Variants in SCOC observed in about 807,000 individuals in gnomAD.
The protein encoded by SCOC is short coiled-coil protein.
Under a neutral mutation model 9.9 loss-of-function variants are expected in SCOC, and 7 were observed. That is an observed-to-expected ratio of 0.71 (90% CI 0.40 to 1.33). The LOEUF (loss-of-function observed/expected upper bound fraction) is 1.33, where lower values mean the gene tolerates loss of function less well. Ranked by LOEUF, SCOC falls within the 40% of genes most tolerant of loss-of-function variation. The pLI, the probability that SCOC is intolerant of heterozygous loss-of-function variation, is 0.01. For missense variants in SCOC, 66 were observed against 89.7 expected (o/e 0.74, Z 1.07); for synonymous variants, 19 against 28.2 (o/e 0.67, Z 1.03).
intron 1 of SCOC, among the ~76,000 whole-genome samples, chr4:140,310,290 T>C (rs1732113339): frequency 6.6e-6 from 1 of 152,208 alleles, no homozygotes; most frequent in Admixed American, 6.5e-5. Flanking sequence ...AAGATGATGC[T>C]TCCTTATTTC....
chr4:140,332,599 G>A (rs2321145), intron 1 of SCOC, among the ~76,000 whole-genome samples: 3,897 of 151,960 alleles, frequency 0.026, 60 homozygotes, highest in Non-Finnish European at 0.04. Context: ...GGATGGTTTC[G>A]ATCTCCTGAC....
intron 1 of SCOC, among the ~76,000 whole-genome samples, chr4:140,306,766 G>A (rs985749058): frequency 1.7e-5 from 2 of 121,024 alleles, no homozygotes; most frequent in Non-Finnish European, 3.2e-5. Context: ...GGACCCCTAG[G>A]AAGTATGTTG....
chr4:140,293,827 A>G (rs1731546305), intron 1 of SCOC, among the ~76,000 whole-genome samples: 1 of 152,212 alleles, frequency 6.6e-6, no homozygotes, highest in African/African-American at 2.4e-5. Flanking sequence ...CCCCATGTAT[A>G]GGATTCATGG....
At chr4:140,268,117 AT>A (rs1341739460) in intron 1 of SCOC, among the ~76,000 whole-genome samples, 12 of 152,210 alleles carry the variant, frequency 7.9e-5, no homozygotes, top group African/African-American at 2.4e-4. Context: ...GGGGTGAAGG[AT>A]TCACTAAAAG....
chr4:140,265,953 C>A (rs538605921), intron 1 of SCOC, among the ~76,000 whole-genome samples: 1 of 152,288 alleles, frequency 6.6e-6, no homozygotes, highest in African/African-American at 2.4e-5. Flanking sequence ...GCAGCCAGGG[C>A]TGGAGGACCT....
chr4:140,302,616 T>C (rs1277195882), intron 1 of SCOC, among the ~76,000 whole-genome samples: 2 of 152,214 alleles, frequency 1.3e-5, no homozygotes, highest in African/African-American at 4.8e-5. Context: ...AGTCCTGAAG[T>C]CATCCTGAAA....
chr4:140,382,154 T>C lies in SCOC; in HGVS notation c.*1050T>C, dbSNP rs757156923. ...AATAGTGAATAAAATGGGAAAGTTA[T>C]ACATGTATACTTATTATCTTGCTCA... On this transcript the variant is annotated 3_prime_UTR_variant, in exon 4 of 4. Transcript: ENST00000608372. 2.0e-5 allele frequency: 3 copies of C among 152,190 alleles called. No homozygotes were observed. Among genetic ancestry groups the C allele is most frequent in the Non-Finnish European group, 2.9e-5 (2 of 68,016 alleles). The allele number at this position is 152,190 out of a possible 1,614,324, so 9.4% of individuals were successfully genotyped here. A position where few individuals can be genotyped will look rare whatever the true frequency, so the allele number is the denominator to read the frequency against.
rs116889821 is a variant in SCOC, at chr4:140,321,169, T to C, written c.-18-22452T>C. Among the ~76,000 whole-genome samples, 208 of 152,234 alleles carry C rather than the reference T, an allele frequency of 1.4e-3. 6 individuals carry two copies. The East Asian group carries it at 0.038, about 28-fold the overall frequency. On this transcript the variant is annotated intron_variant, in intron 1 of 4. Transcript: ENST00000394205. ...ACTTCCAGTCCAACTCTGGACTAAA[T>C]TAACACAAATTCCCACATTAAAAGT...
chr4:140,380,873 T>A, intron 3 of SCOC, 89 bp from the exon 4 acceptor site: 2 of 1,059,312 alleles, frequency 1.9e-6, no homozygotes, highest in South Asian at 2.0e-5. Flanking sequence ...GATTGTATTA[T>A]TTCTTTTAAG....
chr4:140,347,134 A>G (rs1469206293), intron 2 of SCOC, among the ~76,000 whole-genome samples: 1 of 152,190 alleles, frequency 6.6e-6, no homozygotes, highest in African/African-American at 2.4e-5. Flanking sequence ...TGAAATAAAA[A>G]TATATTTTCT....
Position 140,381,620 on chromosome 4 carries a change from A to T in SCOC, c.*516A>T, listed in dbSNP as rs1458373102. ...CATCTCTGAGAGTAACCTGTATTTT[A>T]ATTGTTGAAACTTAACCAAAATAAG... On this transcript the variant is annotated 3_prime_UTR_variant, in exon 4 of 4. Transcript: ENST00000608372. The T allele has an allele frequency of 6.6e-6, 1 of 152,224 alleles. No homozygotes were observed. Among genetic ancestry groups the T allele is most frequent in the Non-Finnish European group, 1.5e-5 (1 of 68,064 alleles). 9.4% of individuals were successfully genotyped at this position (152,224 alleles called of 1,614,324 possible). A position where few individuals can be genotyped will look rare whatever the true frequency, so the allele number is the denominator to read the frequency against.
chr4:140,303,009 C>T (rs536784137), intron 1 of SCOC, among the ~76,000 whole-genome samples: 40 of 151,510 alleles, frequency 2.6e-4, no homozygotes, highest in African/African-American at 8.5e-4. Context: ...AAAGTTCTCA[C>T]TGCAACAACA....
At chr4:140,354,429 G>A (rs1380424157) in intron 2 of SCOC, among the ~76,000 whole-genome samples, 1 of 150,804 alleles carries the variant, frequency 6.6e-6, no homozygotes, top group Non-Finnish European at 1.5e-5. Flanking sequence ...CTCAGCCAGT[G>A]TCTCTCTGTG....
intron 1 of SCOC, among the ~76,000 whole-genome samples, chr4:140,337,508 C>A (rs1471651815): frequency 1.3e-5 from 2 of 151,952 alleles, no homozygotes; most frequent in African/African-American, 4.8e-5. Context: ...AAATGAGATT[C>A]CAGAAATAAA....
chr4:140,332,399 T>C (rs1281103218), intron 1 of SCOC, among the ~76,000 whole-genome samples: 1 of 138,130 alleles, frequency 7.2e-6, no homozygotes, highest in Non-Finnish European at 1.5e-5. Flanking sequence ...TGAGACGGAG[T>C]ATTGCTCTGT....
At chr4:140,297,893 A>G (rs1172558087) in intron 1 of SCOC, among the ~76,000 whole-genome samples, 3 of 152,210 alleles carry the variant, frequency 2.0e-5, no homozygotes, top group African/African-American at 7.2e-5. Context: ...ATCACACGTC[A>G]CAGGTATCAA....
At chr4:140,343,583 C>G (rs1726587653) in intron 1 of SCOC, 3 of 1,397,100 alleles carry the variant, frequency 2.1e-6, no homozygotes, top group South Asian at 1.2e-5. Context: ...CATGGGACAA[C>G]TGCTGCTTTT....
chr4:140,380,870 T>C, intron 3 of SCOC, 92 bp from the exon 4 acceptor site: 1 of 1,009,732 alleles, frequency 9.9e-7, no homozygotes, highest in Non-Finnish European at 1.4e-6. Context: ...AAGGATTGTA[T>C]TATTTCTTTT....
chr4:140,300,168 G>A (rs936438334), intron 1 of SCOC, among the ~76,000 whole-genome samples: 1 of 152,182 alleles, frequency 6.6e-6, no homozygotes, highest in Non-Finnish European at 1.5e-5. Context: ...CTTTATTTGT[G>A]AGCAAAATTC....
Sources: allele counts gnomAD v4.1 joint callset (sites outside exome capture counted in the v4.1 genomes callset), GRCh38; gene constraint gnomAD v4.1.1; transcripts MANE v1.5; gene names NCBI Gene and HGNC (gene_info 2026-07-23, HGNC 2026-07-21).